Variants in ARHGAP32 observed in about 807,000 individuals in gnomAD.
ARHGAP32 encodes Rho GTPase activating protein 32, also known as rho GTPase-activating protein 32.
In ARHGAP32, 51 loss-of-function variants were observed where a neutral mutation model predicts 186.5. The ratio of observed to expected loss-of-function variants is 0.27; its 90% CI spans 0.22 to 0.35. ARHGAP32 has a LOEUF of 0.35. Among genes scored for constraint, ARHGAP32 ranks in the 10% least tolerant of loss-of-function variants. The pLI, the probability that ARHGAP32 is intolerant of heterozygous loss-of-function variation, is 1.00. For missense variants in ARHGAP32, 2,186 were observed against 2,623.5 expected (o/e 0.83, Z 3.64); for synonymous variants, 950 against 964.3 (o/e 0.99, Z 0.27).
At chr11:129,119,087 T>C (rs901396028) in intron 5 of ARHGAP32, among the ~76,000 whole-genome samples, 8 of 152,064 alleles carry the variant, frequency 5.3e-5, no homozygotes, top group African/African-American at 1.4e-4. Context: ...GTTATATCTC[T>C]GTTCCTCTCC....
chr11:129,154,592 G>A (rs1943360250), intron 2 of ARHGAP32, among the ~76,000 whole-genome samples: 2 of 152,116 alleles, frequency 1.3e-5, no homozygotes, highest in Non-Finnish European at 2.9e-5. Context: ...AACCTGGATG[G>A]GTTTGGAGAC....
At chr11:129,082,743 A>G (rs1376270655) in intron 6 of ARHGAP32, among the ~76,000 whole-genome samples, 2 of 152,106 alleles carry the variant, frequency 1.3e-5, no homozygotes, top group Non-Finnish European at 2.9e-5. Context: ...ACAAAGATAA[A>G]CAGATGAGAC....
intron 1 of ARHGAP32, among the ~76,000 whole-genome samples, chr11:129,256,672 T>C (rs1945258606): frequency 6.6e-6 from 1 of 152,174 alleles, no homozygotes; most frequent in South Asian, 2.1e-4. Context: ...ATAACATCCC[T>C]TGTTAAACTG....
chr11:129,098,488 G>A (rs1271318797), intron 5 of ARHGAP32, among the ~76,000 whole-genome samples: 7 of 150,580 alleles, frequency 4.6e-5, no homozygotes, highest in East Asian at 2.0e-4. Flanking sequence ...GCGCGATCTC[G>A]GCTCACTACA....
At chr11:129,043,446 A>G (rs1299384175) in intron 10 of ARHGAP32, among the ~76,000 whole-genome samples, 2 of 140,812 alleles carry the variant, frequency 1.4e-5, no homozygotes, top group Non-Finnish European at 1.5e-5. Flanking sequence ...AAGTGCAACG[A>G]CGCGACCTCG....
chr11:129,193,703 A>ATATATATTATATATTATATAATATATAT (rs1944346086), upstream of ARHGAP32, among the ~76,000 whole-genome samples: 6 of 48,372 alleles, frequency 1.2e-4, no homozygotes, highest in African/African-American at 4.0e-4. Context: ...ATAATATATA[A>ATATATATTATATATTATATAATATATAT]TATATATTAT....
At chr11:128,989,163 CCTGA>C (rs1474627853) in intron 12 of ARHGAP32, among the ~76,000 whole-genome samples, 1 of 151,968 alleles carries the variant, frequency 6.6e-6, no homozygotes, top group East Asian at 1.9e-4. Flanking sequence ...CCTTGGTTTT[CCTGA>C]CTTTTATTGT....
At chr11:129,030,667 C>T (rs1939074276) in intron 11 of ARHGAP32, 1 of 152,142 alleles carries the variant, frequency 6.6e-6, no homozygotes, top group Admixed American at 6.5e-5. Context: ...AATTCTTAGA[C>T]CATTCAAAGA....
Position 128,970,285 on chromosome 11 carries a change from C to T in ARHGAP32, c.4928G>A (p.Arg1643His), listed in dbSNP as rs1363607024. Residue 1643 changes from arginine (R) to histidine (H), a missense_variant, in exon 23 of 23, where the codon CGC (arginine) becomes CAC (histidine). By Grantham distance (29) the Arg-to-His change is conservative. This residue lies in a region of ARHGAP32 where 1,502 missense variants were observed against 1,570.0 expected (regional missense o/e 0.96). Coordinates refer to ENST00000682385, the MANE Select transcript of ARHGAP32 (RefSeq NM_001378024.1). This position sits in a 1 kb window ranked among gnomAD's most constrained non-coding sequence, Gnocchi z 5.8. ...AAGCTGAGTGACATGATAATCTGAG[C>T]GGGCCTGGGAGGACTGATATGGCTT... ...QYKPYQSSQA[R>H]SDYHVTQLQP... The T allele has an allele frequency of 2.2e-5, 35 of 1,613,958 alleles. No homozygotes were observed. The highest frequency in any genetic ancestry group is 5.0e-5 in the Admixed American group (3 of 59,986).
At chr11:129,229,687 T>C (rs956547598) in intron 1 of ARHGAP32, among the ~76,000 whole-genome samples, 1 of 152,188 alleles carries the variant, frequency 6.6e-6, no homozygotes, top group Non-Finnish European at 1.5e-5. Flanking sequence ...ACGATATATC[T>C]GAATCCCTTA....
At chr11:129,100,864 C>T (rs150179290) in intron 5 of ARHGAP32, among the ~76,000 whole-genome samples, 1 of 152,300 alleles carries the variant, frequency 6.6e-6, no homozygotes, top group East Asian at 1.9e-4. Flanking sequence ...ATTGCCCCTG[C>T]CACTGTGGTG....
chr11:129,216,669 TAAAAAAAAAAAA>T (rs201308944), intron 1 of ARHGAP32, among the ~76,000 whole-genome samples: 10 of 119,088 alleles, frequency 8.4e-5, no homozygotes, highest in African/African-American at 2.6e-4. Flanking sequence ...AGACTGTCTT[TAAAAAAAAAAAA>T]AAAAAAAAAA....
chr11:129,203,288 C>T (rs1420426951), intron 1 of ARHGAP32, among the ~76,000 whole-genome samples: 7 of 152,178 alleles, frequency 4.6e-5, no homozygotes, highest in African/African-American at 7.2e-5. Context: ...TAAATCAAAA[C>T]TATTACATAT....
chr11:129,217,324 C>T (rs1379711422), intron 1 of ARHGAP32, among the ~76,000 whole-genome samples: 1 of 152,012 alleles, frequency 6.6e-6, no homozygotes, highest in African/African-American at 2.4e-5. Context: ...ACTAAGCTGC[C>T]ACCACAGTAA....
At chr11:129,254,568 T>C (rs1015378434) in intron 1 of ARHGAP32, among the ~76,000 whole-genome samples, 1 of 152,154 alleles carries the variant, frequency 6.6e-6, no homozygotes. Flanking sequence ...AAACTGTCAA[T>C]ATCAAGTTGG....
chr11:128,982,621 T>C (rs1265265368), intron 15 of ARHGAP32, among the ~76,000 whole-genome samples: 2 of 152,026 alleles, frequency 1.3e-5, no homozygotes, highest in Non-Finnish European at 2.9e-5. Flanking sequence ...GTGTGATGGC[T>C]ATTGCCTGTA....
chr11:129,061,919 A>T (rs1940518406), intron 10 of ARHGAP32, among the ~76,000 whole-genome samples: 2 of 152,146 alleles, frequency 1.3e-5, no homozygotes, highest in African/African-American at 2.4e-5. Context: ...TTTATAGAGA[A>T]ATATTAATCA....
intron 2 of ARHGAP32, among the ~76,000 whole-genome samples, chr11:129,146,740 T>C (rs1397756345): frequency 6.6e-6 from 1 of 152,046 alleles, no homozygotes. Flanking sequence ...ATAAAACTCC[T>C]TAAATTTTTA....
chr11:129,193,575 T>TAATATATA (rs368694693), upstream of ARHGAP32, among the ~76,000 whole-genome samples: 70 of 54,022 alleles, frequency 1.3e-3, 1 homozygote, highest in African/African-American at 4.7e-3. Context: ...ATATAATATA[T>TAATATATA]ATATATTATA....
Sources: gnomAD v4.1 joint callset for allele counts (sites outside exome capture counted in the v4.1 genomes callset) on GRCh38, gnomAD v4.1.1 for gene constraint, gnomAD v4.1.1 regional missense constraint, Gnocchi (gnomAD v3.1) non-coding constraint, MANE v1.5 for transcripts, NCBI Gene and HGNC (gene_info 2026-07-23, HGNC 2026-07-21) for gene names.